RTN1: variants seen among roughly 807,000 people sequenced by gnomAD.
RTN1 encodes reticulon-1.
Under a neutral mutation model 65.5 loss-of-function variants are expected in RTN1, and 25 were observed. The observed-to-expected ratio is 0.38, with a 90% CI of 0.28 to 0.53. The LOEUF (loss-of-function observed/expected upper bound fraction) is 0.53. Ranked by LOEUF, RTN1 falls within the 20% of genes least tolerant of loss-of-function variation. The pLI is 0.79. For synonymous variants in RTN1, 471 were observed against 447.6 expected (o/e 1.05, Z -0.66); for missense variants, 983 against 1,025.4 (o/e 0.96, Z 0.57).
intron 1 of RTN1, among the ~76,000 whole-genome samples, chr14:59,835,337 C>T (rs1285204110): frequency 6.6e-6 from 1 of 151,934 alleles, no homozygotes; most frequent in Non-Finnish European, 1.5e-5. Context: ...GGGGAGAGGG[C>T]AGGCCCAGTG....
intron 3 of RTN1, among the ~76,000 whole-genome samples, chr14:59,705,673 A>G (rs1229812570): frequency 6.6e-6 from 1 of 152,178 alleles, no homozygotes; most frequent in African/African-American, 2.4e-5. Context: ...AAACATCTCA[A>G]CATCAATCAT....
At chr14:59,626,145 GGCATGC>G (rs1362217178) in intron 3 of RTN1, among the ~76,000 whole-genome samples, 5 of 152,156 alleles carry the variant, frequency 3.3e-5, no homozygotes, top group Middle Eastern at 3.4e-3. Context: ...TATTCCCAAA[GGCATGC>G]TTTTTTTCAA....
chr14:59,604,050 C>T (rs575411256), intron 5 of RTN1, 129 bp from the exon 6 acceptor site: 15 of 576,856 alleles, frequency 2.6e-5, no homozygotes, highest in Non-Finnish European at 3.8e-5. Flanking sequence ...CAATGAAAGG[C>T]GTTGAAAGCT....
chr14:59,645,878 C>G (rs1882884638), intron 3 of RTN1, among the ~76,000 whole-genome samples: 1 of 152,220 alleles, frequency 6.6e-6, no homozygotes. Flanking sequence ...AAAGAACCAA[C>G]ACAAGAACTC....
intron 1 of RTN1, among the ~76,000 whole-genome samples, chr14:59,814,562 A>G (rs528602809): frequency 6.6e-6 from 1 of 152,324 alleles, no homozygotes; most frequent in South Asian, 2.1e-4. Context: ...CATCACTCTC[A>G]CATTTTTTAA....
At chr14:59,630,664 C>T in intron 3 of RTN1, 1 of 1,217,904 alleles carries the variant, frequency 8.2e-7, no homozygotes, top group Non-Finnish European at 1.0e-6. Flanking sequence ...GCGGGAGCGT[C>T]GCTGGCGCCG....
intron 1 of RTN1, among the ~76,000 whole-genome samples, chr14:59,798,069 C>G (rs1178908620): frequency 6.6e-6 from 1 of 152,094 alleles, no homozygotes; most frequent in Non-Finnish European, 1.5e-5. Flanking sequence ...ATCCTCTTAT[C>G]CTGGGCAAAT....
At chr14:59,750,209 A>AT (rs1256259675) in intron 1 of RTN1, among the ~76,000 whole-genome samples, 28 of 29,012 alleles carry the variant, frequency 9.7e-4, no homozygotes, top group Non-Finnish European at 1.4e-3. Context: ...TATAATATAT[A>AT]ATATATATAT....
rs762014526 is a variant in RTN1 at position 59,605,333 on chromosome 14, C to G, written c.2112+35G>C. The G allele has an allele frequency of 3.1e-6, 5 of 1,597,056 alleles. No homozygotes were observed. The East Asian group carries it at 1.1e-4, about 36-fold the overall frequency. ...TTACACCTTTAGGGAAAATAACAGTCAAGACTGTGAAGTGAACAGCTTAAG... is the reference window on the plus strand; with the variant it reads ...TTACACCTTTAGGGAAAATAACAGTGAAGACTGTGAAGTGAACAGCTTAAG... On this transcript the variant is annotated intron_variant, in intron 5 of 8. Transcript: ENST00000267484.
intron 1 of RTN1, among the ~76,000 whole-genome samples, chr14:59,772,837 G>A (rs1434613897): frequency 6.6e-6 from 1 of 151,996 alleles, no homozygotes; most frequent in African/African-American, 2.4e-5. Context: ...TTTAGAGGTG[G>A]GAAATTTAGA....
At chr14:59,649,164 G>C (rs997344891) in intron 3 of RTN1, among the ~76,000 whole-genome samples, 2 of 152,216 alleles carry the variant, frequency 1.3e-5, no homozygotes, top group African/African-American at 4.8e-5. Flanking sequence ...GGGAAAGGAT[G>C]CCCTATTTAA....
chr14:59,780,098 C>T (rs531802743), intron 1 of RTN1, among the ~76,000 whole-genome samples: 1 of 152,258 alleles, frequency 6.6e-6, no homozygotes, highest in South Asian at 2.1e-4. Context: ...TGAGTAAGTG[C>T]TGAGGATAAA....
chr14:59,722,140 G>T (rs1884661403), intron 3 of RTN1, among the ~76,000 whole-genome samples: 1 of 152,194 alleles, frequency 6.6e-6, no homozygotes, highest in Admixed American at 6.5e-5. Flanking sequence ...CTGTAAGAGG[G>T]TTAGAGTCCT....
chr14:59,751,162 A>C (rs1332874594), intron 1 of RTN1, among the ~76,000 whole-genome samples: 1 of 144,052 alleles, frequency 6.9e-6, no homozygotes, highest in African/African-American at 2.6e-5. Flanking sequence ...GTTGAAATCT[A>C]TACATCTCAG....
rs1275249008 is a variant in RTN1 at position 59,750,399 on chromosome 14, A to ATAT, written c.242-3921_242-3919dup. 8.3e-3 allele frequency among the ~76,000 whole-genome samples: 426 copies of ATAT among 51,586 alleles called. 41 individuals carry two copies. The highest frequency in any genetic ancestry group is 0.031 in the African/African-American group (414 of 13,336). The allele number at this position is 51,586 out of a possible 152,430, so 33.8% of individuals were successfully genotyped here. ...ATATATTATATATTATATCTATAATATATATATTATATGTATAATATATAA... is the reference window on the plus strand; with the variant it reads ...ATATATTATATATTATATCTATAATATATTATATATTATATGTATAATATATAA... On this transcript the variant is annotated intron_variant, in intron 1 of 8. Coordinates refer to ENST00000267484, the MANE Select transcript of RTN1 (RefSeq NM_021136.3).
chr14:59,670,914 G>A (rs1883488288), intron 3 of RTN1, among the ~76,000 whole-genome samples: 1 of 152,202 alleles, frequency 6.6e-6, no homozygotes, highest in African/African-American at 2.4e-5. Flanking sequence ...ATTAAAATAT[G>A]AGTAAATTGG....
intron 1 of RTN1, among the ~76,000 whole-genome samples, chr14:59,837,045 A>AT (rs141708359): frequency 1.7e-4 from 26 of 151,700 alleles, no homozygotes; most frequent in African/African-American, 5.8e-4. Flanking sequence ...ATATATATAT[A>AT]AAAGGAGAAA....
At chr14:59,617,594 T>C (rs1882138811) in intron 3 of RTN1, among the ~76,000 whole-genome samples, 2 of 152,178 alleles carry the variant, frequency 1.3e-5, no homozygotes, top group African/African-American at 2.4e-5. Context: ...AGAAAAACTA[T>C]ACTACACTGT....
chr14:59,794,684 C>T lies in RTN1; in HGVS notation c.242-48203G>A, dbSNP rs180732607. Among the ~76,000 whole-genome samples, 10 of 152,254 alleles carry T rather than the reference C, an allele frequency of 6.6e-5. No individual in the cohort carries two copies. Among genetic ancestry groups the T allele is most frequent in the South Asian group, 2.1e-4 (1 of 4,820 alleles). ...CTGTATGGTTGAAGGTGGTTCATCACCAAACCCTTGTTCTTGGCTAAAGGA... is the reference window on the plus strand; with the variant it reads ...CTGTATGGTTGAAGGTGGTTCATCATCAAACCCTTGTTCTTGGCTAAAGGA... On this transcript the variant is annotated intron_variant, in intron 1 of 8. Transcript: ENST00000267484. The surrounding 1 kb of genome is among the most constrained non-coding windows in gnomAD (Gnocchi z 5.1).
Sources: allele counts gnomAD v4.1 joint callset (sites outside exome capture counted in the v4.1 genomes callset), GRCh38; gene constraint gnomAD v4.1.1; non-coding constraint Gnocchi (gnomAD v3.1); transcripts MANE v1.5; gene names NCBI Gene and HGNC (gene_info 2026-07-23, HGNC 2026-07-21).